The following NMRK2 variants were observed in gnomAD, a reference collection of about 807,000 sequenced individuals.
NMRK2 encodes NRK 2.
In NMRK2, 34 loss-of-function variants were observed where a neutral mutation model predicts 24.7. That is an observed-to-expected ratio of 1.37 (90% CI 1.05 to 1.83). The LOEUF (loss-of-function observed/expected upper bound fraction) is 1.83, where lower values mean the gene tolerates loss of function less well. NMRK2 is among the 40% of genes most tolerant of loss of function. The probability of loss-of-function intolerance (pLI) is 0.00; values close to 1 mark genes in which losing one functional copy is unlikely to be tolerated. For missense variants in NMRK2, 341 were observed against 315.0 expected (o/e 1.08, Z -0.62); for synonymous variants, 145 against 125.6 (o/e 1.15, Z -1.03).
In NMRK2 at chr19:3,933,609, C is replaced by T; in HGVS notation, c.-63C>T. 1 of 1,508,820 alleles carries T rather than the reference C, an allele frequency of 6.6e-7. No homozygotes were observed. The allele number at this position is 1,508,820 out of a possible 1,614,324, so 93.5% of individuals were successfully genotyped here. ...AAGCCGGGACGCACTCCGGAGCGCA[C>T]TGCGTGGTCGCACCCTACCCGGGCT... On this transcript the variant is annotated 5_prime_UTR_variant, in exon 2 of 8. Transcript: ENST00000168977.
chr19:3,939,656 T>C (rs1040492048), intron 5 of NMRK2, among the ~76,000 whole-genome samples: 8 of 152,184 alleles, frequency 5.3e-5, no homozygotes, highest in African/African-American at 1.4e-4. Flanking sequence ...TGTGTGGCCC[T>C]GAGCAAGACA....
In NMRK2 at chr19:3,942,280, C is replaced by A; in HGVS notation, c.*7C>A. The A allele has an allele frequency of 1.3e-6, 2 of 1,598,298 alleles. No individual in the cohort carries two copies. Among genetic ancestry groups the A allele is most frequent in the Non-Finnish European group, 1.7e-6 (2 of 1,173,490 alleles). On this transcript the variant is annotated 3_prime_UTR_variant, in exon 8 of 8. Transcript: ENST00000168977. ...CCAGCAGGACAGCATGTGAGCGTTT[C>A]CCTATGGGGGTGTCTGTACGTAGGA...
intron 7 of NMRK2, among the ~76,000 whole-genome samples, chr19:3,941,532 C>T (rs1002174779): frequency 5.3e-5 from 8 of 151,734 alleles, no homozygotes; most frequent in South Asian, 4.2e-4. Flanking sequence ...GGATTACAGG[C>T]GTGAACCACT....
rs1296612621 is a variant in NMRK2, at chr19:3,940,466, C to T, written c.395+495C>T. Among the ~76,000 whole-genome samples the T allele has an allele frequency of 3.3e-5, 5 of 151,126 alleles. No homozygotes were observed. In the East Asian group the frequency reaches 9.8e-4, roughly 30 times the overall value. ...CCAGCCTGGCCAACATGGTGAAGCC[C>T]CATCTCTACCAAAAAATACAAAAAT... On this transcript the variant is annotated intron_variant, in intron 6 of 7. Coordinates refer to ENST00000168977, the MANE Select transcript of NMRK2 (RefSeq NM_170678.3).
At chr19:3,934,516 G>C (rs972837402) in intron 2 of NMRK2, among the ~76,000 whole-genome samples, 1 of 150,264 alleles carries the variant, frequency 6.7e-6, no homozygotes, top group Non-Finnish European at 1.5e-5. Context: ...AATGCTAGCC[G>C]GACTCCCTCT....
intron 2 of NMRK2, among the ~76,000 whole-genome samples, chr19:3,935,036 A>G (rs183920387): frequency 0.013 from 1,935 of 152,088 alleles, 22 homozygotes; most frequent in Admixed American, 0.036. Context: ...GGGGGCTTAC[A>G]TTTTAAAAAT....
intron 2 of NMRK2, 87 bp from the exon 3 acceptor site, chr19:3,936,488 C>A (rs896164391): frequency 2.5e-5 from 22 of 869,198 alleles, no homozygotes; most frequent in Middle Eastern, 2.3e-4. Context: ...CCCCGGGGAG[C>A]CCAGGCTGCA....
chr19:3,933,820 G>A (rs1184797257), intron 2 of NMRK2, 123 bp downstream of exon 2: 8 of 990,322 alleles, frequency 8.1e-6, no homozygotes, highest in South Asian at 2.3e-5. Context: ...CGCCGCCCGA[G>A]GTCAGAGTGC....
intron 2 of NMRK2, among the ~76,000 whole-genome samples, chr19:3,934,537 ATTTT>A (rs775798984): frequency 3.8e-4 from 42 of 109,872 alleles, no homozygotes; most frequent in Non-Finnish European, 6.3e-4. Context: ...TGAATTTCAT[ATTTT>A]TTGTTTTTTG....
chr19:3,934,730 A>G (rs2039184333), intron 2 of NMRK2, among the ~76,000 whole-genome samples: 1 of 151,888 alleles, frequency 6.6e-6, no homozygotes, highest in South Asian at 2.1e-4. Flanking sequence ...TACAGGCGTG[A>G]ACCACATGCC....
intron 1 of NMRK2, 121 bp downstream of exon 1, chr19:3,933,299 G>A (rs1402608303): frequency 7.0e-6 from 2 of 286,606 alleles, no homozygotes; most frequent in Non-Finnish European, 6.5e-6. Flanking sequence ...TGAGCTCTCT[G>A]GCCAGGAGGA....
intron 5 of NMRK2, 87 bp from the exon 6 acceptor site, chr19:3,939,813 G>A (rs1291488705): frequency 9.4e-6 from 12 of 1,279,294 alleles, no homozygotes; most frequent in Non-Finnish European, 1.2e-5. Context: ...GCCACCCTCT[G>A]AAAGCCAAGG....
Position 3,933,675 on chromosome 19 carries a change from A to C in NMRK2, c.4A>C (p.Lys2Gln). Residue 2 changes from lysine to glutamine, a missense_variant, in exon 2 of 8, where the codon AAG becomes CAG. Coordinates refer to ENST00000168977, the MANE Select transcript of NMRK2 (RefSeq NM_170678.3). ...CCCGCCGCCCCTCCGCACCGGCATG[A>C]AGCTCATCGTGGGCATCGGAGGGTG... is the stretch of plus-strand genomic sequence containing the variant. M[K>Q]LIVGIGGMTN... 6.7e-7 allele frequency: 1 copy of C among 1,503,678 alleles called. No homozygotes were observed. The highest frequency in any genetic ancestry group is 8.9e-7 in the Non-Finnish European group (1 of 1,127,216). The allele number at this position is 1,503,678 out of a possible 1,614,324, so 93.1% of individuals were successfully genotyped here.
rs1372625639 is a variant in NMRK2 at position 3,941,071 on chromosome 19, T to C, written c.396T>C (p.Ser132=). 18 of 1,605,460 alleles carry C rather than the reference T, an allele frequency of 1.1e-5. No homozygotes were observed. Among genetic ancestry groups the C allele is most frequent in the Non-Finnish European group, 1.4e-5 (16 of 1,172,668 alleles). ...CCATCCTTGCCTTCTCCCTCTGCAG[T>C]ACCCGCAACTACACAGTCCCTGATC... ...VPYEECKWRR[S]TRNYTVPDPP... Residue 132 remains serine, a splice_region_variant and synonymous_variant, in exon 7 of 8, where the codon AGT becomes AGC. Transcript: ENST00000168977.
chr19:3,940,766 C>G (rs2039317913), intron 6 of NMRK2, among the ~76,000 whole-genome samples: 1 of 151,530 alleles, frequency 6.6e-6, no homozygotes, highest in South Asian at 2.1e-4. Context: ...GAAAACGCCA[C>G]TGGACACGGG....
chr19:3,939,495 C>G (rs1036364387), intron 5 of NMRK2, among the ~76,000 whole-genome samples: 1 of 151,860 alleles, frequency 6.6e-6, no homozygotes, highest in Non-Finnish European at 1.5e-5. Flanking sequence ...GCCTGGGCGA[C>G]AGAGAGAGAC....
chr19:3,937,183 G>A, intron 3 of NMRK2, 57 bp from the exon 4 acceptor site: 1 of 1,591,544 alleles, frequency 6.3e-7, no homozygotes, highest in Non-Finnish European at 8.6e-7. Context: ...CATCACCCAG[G>A]CCGGGGGTGA....
chr19:3,938,833 T>TTTTTTG (rs2039270753), intron 5 of NMRK2, 74 bp downstream of exon 5: 1 of 605,780 alleles, frequency 1.7e-6, no homozygotes, highest in African/African-American at 4.4e-5. Context: ...TTTTTTTTTT[T>TTTTTTG]TTTTTTTTTT....
intron 6 of NMRK2, among the ~76,000 whole-genome samples, chr19:3,940,248 G>A (rs2039307344): frequency 6.7e-6 from 1 of 148,428 alleles, no homozygotes; most frequent in South Asian, 2.1e-4. Flanking sequence ...TTGGGAGGCT[G>A]AGGCAGGAGA....
Sources: allele counts gnomAD v4.1 joint callset (sites outside exome capture counted in the v4.1 genomes callset), GRCh38; gene constraint gnomAD v4.1.1; transcripts MANE v1.5; gene names NCBI Gene and HGNC (gene_info 2026-07-23, HGNC 2026-07-21).